The following HECTD2 variants were observed in gnomAD, a reference collection of about 807,000 sequenced individuals.
HECTD2 encodes the protein HECT domain E3 ubiquitin protein ligase 2.
HECTD2 carries 35 observed loss-of-function variants against 103.2 expected under a neutral mutation model. That is an observed-to-expected ratio of 0.34 (90% CI 0.26 to 0.45). The LOEUF (loss-of-function observed/expected upper bound fraction) is 0.45. Ranked by LOEUF, HECTD2 falls within the 20% of genes least tolerant of loss-of-function variation. HECTD2 has a pLI of 1.00. For synonymous variants in HECTD2, 281 were observed against 329.9 expected (o/e 0.85, Z 1.61); for missense variants, 596 against 937.4 (o/e 0.64, Z 4.76).
intron 14 of HECTD2, among the ~76,000 whole-genome samples, chr10:91,494,656 G>C (rs1484156856): frequency 6.6e-6 from 1 of 151,914 alleles, no homozygotes; most frequent in African/African-American, 2.4e-5. Context: ...GTGTCTAAAG[G>C]TCCAAAGTGC....
chr10:91,507,631 C>G (rs1254622551), intron 20 of HECTD2, among the ~76,000 whole-genome samples: 1 of 149,004 alleles, frequency 6.7e-6, no homozygotes, highest in South Asian at 2.1e-4. Flanking sequence ...AGGATACAAA[C>G]AAATGGAAGA....
At chr10:91,499,550 C>T (rs373843651) in intron 18 of HECTD2, among the ~76,000 whole-genome samples, 41 of 152,290 alleles carry the variant, frequency 2.7e-4, no homozygotes, top group African/African-American at 9.6e-4. Context: ...TACCTCAGGG[C>T]TCCCTCAGCA....
At chr10:91,425,177 C>A in intron 1 of HECTD2, 104 bp from the exon 2 acceptor site, 1 of 947,174 alleles carries the variant, frequency 1.1e-6, no homozygotes, top group Non-Finnish European at 1.5e-6. Context: ...CTATTATCTA[C>A]TCGTCATCAA....
chr10:91,485,444 T>C (rs1846232497), intron 10 of HECTD2, 141 bp downstream of exon 10: 6 of 581,540 alleles, frequency 1.0e-5, no homozygotes, highest in African/African-American at 4.0e-5. Flanking sequence ...TGAAATATCA[T>C]ATTTATTAAA....
chr10:91,467,788 A>C lies in HECTD2; in HGVS notation c.600+5604A>C, dbSNP rs189210451. 1.3e-4 allele frequency among the ~76,000 whole-genome samples: 20 copies of C among 152,238 alleles called. No individual in the cohort carries two copies. The East Asian group carries it at 2.9e-3, about 22-fold the overall frequency. On this transcript the variant is annotated intron_variant, in intron 5 of 20. Coordinates refer to ENST00000298068, the MANE Select transcript of HECTD2 (RefSeq NM_182765.6). Reference sequence around the variant, plus strand: ...GCGTACCCCACCAGGCTACTGCTGCATGAGTACATGCTTGCTGCCCCCACT... The same window carrying C: ...GCGTACCCCACCAGGCTACTGCTGCCTGAGTACATGCTTGCTGCCCCCACT...
chr10:91,419,255 T>C (rs1241766484), intron 1 of HECTD2, among the ~76,000 whole-genome samples: 1 of 152,234 alleles, frequency 6.6e-6, no homozygotes, highest in African/African-American at 2.4e-5. Flanking sequence ...ATGGTTGTTA[T>C]TCTTATTGGC....
intron 2 of HECTD2, among the ~76,000 whole-genome samples, chr10:91,435,277 T>G (rs916666408): frequency 1.3e-5 from 2 of 151,896 alleles, no homozygotes; most frequent in East Asian, 3.9e-4. Context: ...AGGACACCTC[T>G]TGGGACATGT....
intron 1 of HECTD2, among the ~76,000 whole-genome samples, chr10:91,421,651 C>A (rs1027915824): frequency 6.6e-6 from 1 of 152,138 alleles, no homozygotes; most frequent in African/African-American, 2.4e-5. Flanking sequence ...ATTACAATAA[C>A]CCTGTTATAA....
intron 20 of HECTD2, among the ~76,000 whole-genome samples, chr10:91,509,220 C>T (rs1364615744): frequency 9.3e-5 from 14 of 151,108 alleles, no homozygotes; most frequent in Middle Eastern, 3.4e-3. Context: ...CACATGTATA[C>T]GTATGTAACT....
intron 2 of HECTD2, among the ~76,000 whole-genome samples, chr10:91,425,815 A>G (rs1173854349): frequency 6.6e-6 from 1 of 151,922 alleles, no homozygotes; most frequent in African/African-American, 2.4e-5. Flanking sequence ...ATCTATTTGG[A>G]GAAAGCTATA....
intron 20 of HECTD2, among the ~76,000 whole-genome samples, chr10:91,505,388 C>T (rs1847112221): frequency 6.6e-6 from 1 of 152,134 alleles, no homozygotes; most frequent in Non-Finnish European, 1.5e-5. Flanking sequence ...ATCTCACATG[C>T]AGGGACACAC....
intron 1 of HECTD2, among the ~76,000 whole-genome samples, chr10:91,414,525 G>T (rs1051039890): frequency 6.6e-6 from 1 of 152,176 alleles, no homozygotes; most frequent in Non-Finnish European, 1.5e-5. Context: ...CTGCCTCAGG[G>T]TATGCAGGGT....
intron 6 of HECTD2, among the ~76,000 whole-genome samples, chr10:91,479,494 G>A (rs1038487676): frequency 4.6e-5 from 7 of 151,928 alleles, no homozygotes; most frequent in Non-Finnish European, 1.0e-4. Flanking sequence ...CTTTTTCTTA[G>A]TTTATTACTC....
rs1386726216 is a variant in HECTD2 at position 91,487,727 on chromosome 10, A to G, written c.1140A>G (p.Lys380=). The change falls in exon 11 of 21, where the codon AAA becomes AAG. Residue 380 remains lysine (K), a synonymous_variant. Coordinates refer to ENST00000298068, the MANE Select transcript of HECTD2 (RefSeq NM_182765.6). The surrounding 1 kb of genome is among the most constrained non-coding windows in gnomAD (Gnocchi z 4.1). ...CATTCGTTATTTCTGTAGCTGCAAA[A>G]AAAATCATTATTCAGAGAGACTCAG... ...QYPFVISVAA[K]KIIIQRDSEQ... 3.1e-6 allele frequency: 5 copies of G among 1,612,658 alleles called. No individual in the cohort carries two copies. The highest frequency in any genetic ancestry group is 4.2e-6 in the Non-Finnish European group (5 of 1,179,098).
chr10:91,468,260 C>G (rs1014662524), intron 5 of HECTD2, among the ~76,000 whole-genome samples: 7 of 152,160 alleles, frequency 4.6e-5, no homozygotes, highest in African/African-American at 1.4e-4. Context: ...ACCAGCACCC[C>G]CCAGAGTTAG....
Position 91,509,154 on chromosome 10 carries a change from T to C in HECTD2, c.2211-3110T>C, listed in dbSNP as rs1056621374. Among the ~76,000 whole-genome samples, 121 of 148,328 alleles carry C rather than the reference T, an allele frequency of 8.2e-4. 1 individual carries two copies. The highest frequency in any genetic ancestry group is 2.8e-3 in the African/African-American group (115 of 40,384). ...TGGGGGGAGGGGGGAGGGATAGCAC[T>C]GGGAGATATACCTAATGCTAGATGA... On this transcript the variant is annotated intron_variant, in intron 20 of 20. Coordinates refer to ENST00000298068, the MANE Select transcript of HECTD2 (RefSeq NM_182765.6).
At chr10:91,411,562 T>TA (rs1411733011) in intron 1 of HECTD2, among the ~76,000 whole-genome samples, 2 of 152,232 alleles carry the variant, frequency 1.3e-5, no homozygotes, top group Admixed American at 6.5e-5. Context: ...ACTAAGAACT[T>TA]ACTAAAATAG....
At chr10:91,485,363 TA>T (rs1254389105) in intron 10 of HECTD2, 60 bp downstream of exon 10, 2 of 1,317,558 alleles carry the variant, frequency 1.5e-6, no homozygotes, top group African/African-American at 3.1e-5. Flanking sequence ...AAAGAATGAC[TA>T]GAGTTTAAGT....
At chr10:91,509,382 C>T (rs1361587936) in intron 20 of HECTD2, among the ~76,000 whole-genome samples, 1 of 152,110 alleles carries the variant, frequency 6.6e-6, no homozygotes, top group East Asian at 1.9e-4. Flanking sequence ...ATTATTTTAG[C>T]CATTGTGGAA....
Sources: gnomAD v4.1 joint callset for allele counts (sites outside exome capture counted in the v4.1 genomes callset) on GRCh38, gnomAD v4.1.1 for gene constraint, Gnocchi (gnomAD v3.1) non-coding constraint, MANE v1.5 for transcripts, NCBI Gene and HGNC (gene_info 2026-07-23, HGNC 2026-07-21) for gene names.